Variants in FGF14 observed in about 807,000 individuals in gnomAD.
FGF14 encodes the protein fibroblast growth factor homologous factor 4.
A neutral mutation model predicts 25.5 loss-of-function variants in FGF14; 5 were observed. The observed-to-expected ratio is 0.20, with a 90% CI of 0.10 to 0.41. The LOEUF is 0.41. Ranked by LOEUF, FGF14 falls within the 10% of genes least tolerant of loss-of-function variation. FGF14 has a pLI of 1.00. For synonymous variants in FGF14, 138 were observed against 118.3 expected (o/e 1.17, Z -1.08); for missense variants, 222 against 320.1 (o/e 0.69, Z 2.34).
intron 1 of FGF14, among the ~76,000 whole-genome samples, chr13:102,197,860 C>A (rs1035784165): frequency 1.3e-5 from 2 of 152,148 alleles, no homozygotes; most frequent in Non-Finnish European, 1.5e-5. Context: ...AAAAGCCTCA[C>A]GGTACACAGT....
chr13:102,070,472 AG>A (rs1330720303), intron 1 of FGF14, among the ~76,000 whole-genome samples: 6 of 152,192 alleles, frequency 3.9e-5, no homozygotes, highest in African/African-American at 1.4e-4. Flanking sequence ...AACAGTTTGG[AG>A]GTTCCTCAAA....
intron 1 of FGF14, among the ~76,000 whole-genome samples, chr13:102,214,323 C>T (rs550947337): frequency 2.0e-5 from 3 of 152,162 alleles, no homozygotes; most frequent in South Asian, 4.1e-4. Context: ...GAAGCTATCA[C>T]GCAGTGTCAT....
chr13:101,793,324 G>A (rs1156542815), intron 3 of FGF14, among the ~76,000 whole-genome samples: 1 of 152,114 alleles, frequency 6.6e-6, no homozygotes, highest in African/African-American at 2.4e-5. Flanking sequence ...ATGAGAATGT[G>A]TGGTATTTGT....
In FGF14 at chr13:102,107,618, C is replaced by A. The variant is rs190556264; in HGVS notation, c.209-232322G>T. 2.5e-4 allele frequency among the ~76,000 whole-genome samples: 38 copies of A among 152,262 alleles called. No homozygotes were observed. In the East Asian group the frequency reaches 6.6e-3, roughly 26 times the overall value. ...TCCAAGCACTAGTCATGATGGAATG[C>A]ATAAAGAGAGATGTAACTGGTCATG... On this transcript the variant is annotated intron_variant, in intron 1 of 4. Transcript: ENST00000376131.
intron 1 of FGF14, among the ~76,000 whole-genome samples, chr13:101,878,338 C>T (rs1312447223): frequency 1.3e-5 from 2 of 152,206 alleles, no homozygotes; most frequent in African/African-American, 4.8e-5. Context: ...CTGGTTCTAT[C>T]AACACGTCCA....
At chr13:102,388,723 T>C (rs568689809) in intron 1 of FGF14, among the ~76,000 whole-genome samples, 2 of 152,342 alleles carry the variant, frequency 1.3e-5, no homozygotes, top group South Asian at 4.1e-4. Flanking sequence ...ATTTTATTGC[T>C]TTCTTAGTAC....
intron 1 of FGF14, among the ~76,000 whole-genome samples, chr13:102,185,468 T>C (rs2048840537): frequency 1.3e-5 from 2 of 152,186 alleles, no homozygotes; most frequent in African/African-American, 2.4e-5. Flanking sequence ...TTTTAATCCA[T>C]GTTAAAGGAC....
intron 1 of FGF14, among the ~76,000 whole-genome samples, chr13:101,894,697 CT>C (rs2030356841): frequency 6.6e-6 from 1 of 152,070 alleles, no homozygotes; most frequent in Non-Finnish European, 1.5e-5. Context: ...CTCTAGCTTC[CT>C]ATCATGGTTT....
intron 1 of FGF14, among the ~76,000 whole-genome samples, chr13:101,961,195 A>G (rs4771411): frequency 1.3e-5 from 2 of 152,052 alleles, no homozygotes; most frequent in African/African-American, 4.8e-5. Context: ...GTTTAACTAG[A>G]TCCCATGTGT....
chr13:102,072,604 T>C (rs1268437388), intron 1 of FGF14, among the ~76,000 whole-genome samples: 1 of 152,216 alleles, frequency 6.6e-6, no homozygotes, highest in Non-Finnish European at 1.5e-5. Flanking sequence ...TGTTATACAC[T>C]GAATTTTAAG....
intron 1 of FGF14, among the ~76,000 whole-genome samples, chr13:102,185,065 A>C (rs2048825388): frequency 6.6e-6 from 1 of 152,172 alleles, no homozygotes; most frequent in Non-Finnish European, 1.5e-5. Flanking sequence ...AAGAAAGCAT[A>C]TGTTCTCAGG....
At chr13:102,021,499 G>A (rs1204985884) in intron 1 of FGF14, among the ~76,000 whole-genome samples, 1 of 151,848 alleles carries the variant, frequency 6.6e-6, no homozygotes, top group African/African-American at 2.4e-5. Context: ...TCTTGGTGGT[G>A]CCCTTTATGA....
intron 1 of FGF14, among the ~76,000 whole-genome samples, chr13:102,140,134 A>C (rs961503223): frequency 7.1e-6 from 1 of 141,226 alleles, no homozygotes; most frequent in African/African-American, 2.6e-5. Context: ...GAATCTTATT[A>C]GTTGTGTGGC....
intron 1 of FGF14, among the ~76,000 whole-genome samples, chr13:102,111,388 A>G (rs974955946): frequency 6.6e-6 from 1 of 152,152 alleles, no homozygotes; most frequent in Non-Finnish European, 1.5e-5. Context: ...TAGCTGCAAT[A>G]CTAGCAATTG....
At chr13:102,080,259 G>C (rs1210275980) in intron 1 of FGF14, among the ~76,000 whole-genome samples, 1 of 152,150 alleles carries the variant, frequency 6.6e-6, no homozygotes, top group Non-Finnish European at 1.5e-5. Flanking sequence ...CGATGACTTG[G>C]GCTGGAGTTA....
chr13:102,114,638 G>A (rs2045382805), intron 1 of FGF14, among the ~76,000 whole-genome samples: 1 of 152,144 alleles, frequency 6.6e-6, no homozygotes, highest in African/African-American at 2.4e-5. Flanking sequence ...CATATACAAT[G>A]GAATACCATT....
intron 3 of FGF14, among the ~76,000 whole-genome samples, chr13:101,730,176 C>T (rs1415975756): frequency 2.0e-5 from 3 of 152,140 alleles, no homozygotes; most frequent in Admixed American, 1.3e-4. Context: ...GGGCCTGATT[C>T]GTATGTTATA....
chr13:102,012,673 G>T (rs1003684920), intron 1 of FGF14, among the ~76,000 whole-genome samples: 1 of 152,210 alleles, frequency 6.6e-6, no homozygotes, highest in African/African-American at 2.4e-5. Flanking sequence ...GTGTGGTCAT[G>T]TAATATCTTG....
intron 1 of FGF14, among the ~76,000 whole-genome samples, chr13:101,981,130 A>AC (rs1334377236): frequency 2.4e-5 from 2 of 83,680 alleles, no homozygotes; most frequent in South Asian, 4.8e-4. Context: ...CACACACACA[A>AC]TTAGCCAGGC....
Sources: gnomAD v4.1 joint callset for allele counts (sites outside exome capture counted in the v4.1 genomes callset) on GRCh38, gnomAD v4.1.1 for gene constraint, MANE v1.5 for transcripts, NCBI Gene and HGNC (gene_info 2026-07-23, HGNC 2026-07-21) for gene names.